TTLL11: variants seen among roughly 807,000 people sequenced by gnomAD.
TTLL11 encodes tubulin tyrosine ligase like 11.
In TTLL11, 42 loss-of-function variants were observed where a neutral mutation model predicts 51.7. The observed-to-expected ratio is 0.81, with a 90% confidence interval of 0.64 to 1.05. The LOEUF is 1.05. Among genes scored for constraint, TTLL11 ranks in the 50% least tolerant of loss-of-function variants. The pLI is 0.00. For missense variants in TTLL11, 799 were observed against 940.4 expected, an observed-to-expected ratio of 0.85 and a Z score of 1.97; for synonymous variants, 381 against 383.5, an observed-to-expected ratio of 0.99 and a Z score of 0.08.
chr9:121,947,692 T>A (rs1217623847), intron 6 of TTLL11, among the ~76,000 whole-genome samples: 1 of 152,168 alleles, frequency 6.6e-6, no homozygotes, highest in Non-Finnish European at 1.5e-5. Context: ...GCAGCCCACC[T>A]CTGCCTCAGA....
intron 6 of TTLL11, among the ~76,000 whole-genome samples, chr9:121,966,799 C>T (rs1223619792): frequency 6.6e-6 from 1 of 152,172 alleles, no homozygotes; most frequent in Non-Finnish European, 1.5e-5. Flanking sequence ...AAGTTTCTTA[C>T]CTCCCTCCAG....
chr9:121,951,725 A>T (rs1841856702), intron 6 of TTLL11, among the ~76,000 whole-genome samples: 1 of 152,206 alleles, frequency 6.6e-6, no homozygotes, highest in Non-Finnish European at 1.5e-5. Context: ...GCAGGAAAGA[A>T]TTCAGGGCGA....
At chr9:121,826,313 T>TA in intron 8 of TTLL11, among the ~76,000 whole-genome samples, 1 of 69,138 alleles carries the variant, frequency 1.4e-5, no homozygotes, top group African/African-American at 6.8e-5. Context: ...TATATATGGG[T>TA]TTATATATAT....
At chr9:121,880,642 T>C (rs1261690720) in intron 6 of TTLL11, among the ~76,000 whole-genome samples, 3 of 152,266 alleles carry the variant, frequency 2.0e-5, no homozygotes, top group Non-Finnish European at 2.9e-5. Context: ...ATTTCTTTTC[T>C]AGACGGAAAG....
chr9:121,893,980 C>A (rs1839355906), intron 6 of TTLL11, among the ~76,000 whole-genome samples: 1 of 152,160 alleles, frequency 6.6e-6, no homozygotes, highest in South Asian at 2.1e-4. Context: ...GCTGGGCCAC[C>A]ACGAGCCACA....
chr9:121,826,557 G>GTGTGTGTATATATA (rs1189626793), intron 8 of TTLL11, among the ~76,000 whole-genome samples: 2 of 51,346 alleles, frequency 3.9e-5, no homozygotes, highest in African/African-American at 1.4e-4. Flanking sequence ...ATATGTGTGT[G>GTGTGTGTATATATA]TATATATATA....
chr9:121,938,850 A>G (rs545883977), intron 6 of TTLL11, among the ~76,000 whole-genome samples: 3 of 152,336 alleles, frequency 2.0e-5, no homozygotes, highest in African/African-American at 7.2e-5. Flanking sequence ...AACTGGTGGG[A>G]GTGTAGGTTA....
In TTLL11 at chr9:121,974,112, C is replaced by A. The variant is rs781028991; in HGVS notation, c.1378G>T (p.Val460Leu). The change falls in exon 6 of 9, where the codon GTG becomes TTG. Residue 460 changes from valine to leucine, a missense_variant. This residue lies in a region of TTLL11 where 468 missense variants were observed against 612.8 expected (regional missense o/e 0.76). Coordinates refer to ENST00000321582, the MANE Select transcript of TTLL11 (RefSeq NM_001139442.2). The part of the protein sequence containing the change: ...IEHEHELSPG[V>L]FENVPSLVDE... ...ACGAGGCTGGGGACATTTTCAAACACCCCTGGAGAAAGCTTGAACGGGTAA... is the reference window on the plus strand; with the variant it reads ...ACGAGGCTGGGGACATTTTCAAACAACCCTGGAGAAAGCTTGAACGGGTAA... 1.3e-6 allele frequency: 2 copies of A among 1,551,434 alleles called. No homozygotes were observed. The highest frequency in any genetic ancestry group is 1.7e-6 in the Non-Finnish European group (2 of 1,146,894).
chr9:122,030,883 G>A (rs1046547428), intron 3 of TTLL11, among the ~76,000 whole-genome samples: 3 of 151,940 alleles, frequency 2.0e-5, no homozygotes, highest in South Asian at 2.1e-4. Flanking sequence ...GGAAGCTGCA[G>A]TAAGCCAAGA....
chr9:121,911,837 G>C (rs905613136), intron 6 of TTLL11, among the ~76,000 whole-genome samples: 1 of 152,056 alleles, frequency 6.6e-6, no homozygotes, highest in Non-Finnish European at 1.5e-5. Flanking sequence ...TGTAGATGAT[G>C]GGTTGATGGG....
intron 6 of TTLL11, among the ~76,000 whole-genome samples, chr9:121,908,383 G>A (rs920578311): frequency 4.6e-5 from 7 of 152,134 alleles, no homozygotes; most frequent in Middle Eastern, 3.2e-3. Flanking sequence ...AGTTAGGACC[G>A]GGGCCAAGGC....
intron 1 of TTLL11, 24 bp from the exon 2 acceptor site, chr9:122,039,392 G>T (rs367732749): frequency 6.3e-7 from 1 of 1,585,964 alleles, no homozygotes. Context: ...AATGTGACTC[G>T]CAATAAGAAT....
intron 8 of TTLL11, among the ~76,000 whole-genome samples, chr9:121,827,866 G>A (rs1190553478): frequency 1.3e-5 from 2 of 152,214 alleles, no homozygotes; most frequent in African/African-American, 2.4e-5. Flanking sequence ...TACGCTGCAG[G>A]AGCAGGGCTG....
At chr9:121,929,576 T>C (rs1449207581) in intron 6 of TTLL11, among the ~76,000 whole-genome samples, 8 of 151,564 alleles carry the variant, frequency 5.3e-5, no homozygotes, top group African/African-American at 1.9e-4. Flanking sequence ...AAACGGAGCA[T>C]GCTGAGGCCA....
chr9:122,018,004 A>G (rs12338075), intron 3 of TTLL11, among the ~76,000 whole-genome samples: 6,645 of 152,212 alleles, frequency 0.044, 173 homozygotes, highest in African/African-American at 0.073. Flanking sequence ...TTTCTGAAGA[A>G]TGGGGACTTT....
chr9:122,063,787 C>T (rs1253176543), intron 1 of TTLL11, among the ~76,000 whole-genome samples: 1 of 152,158 alleles, frequency 6.6e-6, no homozygotes, highest in Non-Finnish European at 1.5e-5. Flanking sequence ...AAACTGAAGT[C>T]CAGTGTCTTA....
intron 2 of TTLL11, 72 bp downstream of exon 2, chr9:122,039,200 G>A (rs1360527489): frequency 4.7e-6 from 6 of 1,268,248 alleles, no homozygotes; most frequent in Admixed American, 1.8e-5. Context: ...TAACTGTCAT[G>A]TTTTAGTAGA....
chr9:121,989,491 C>G lies in TTLL11; in HGVS notation c.973G>C (p.Glu325Gln). 3 of 1,614,074 alleles carry G rather than the reference C, an allele frequency of 1.9e-6. No individual in the cohort carries two copies. The South Asian group carries it at 3.3e-5, about 18-fold the overall frequency. Residue 325 changes from glutamate to glutamine, a missense_variant, in exon 4 of 9, where the codon GAG becomes CAG. Glu to Gln is a conservative substitution (Grantham distance 29, BLOSUM62 2). Coordinates refer to ENST00000321582, the MANE Select transcript of TTLL11 (RefSeq NM_001139442.2). The surrounding 1 kb of genome is among the most constrained non-coding windows in gnomAD (Gnocchi z 4.2). ...TTGGGGGTGGGCTCCTGATATGGCT[C>G]GGTACAAAACCTAGAGAGTCCGTCT... The part of the protein sequence containing the change: ...AKDGLSRFCT[E>Q]PYQEPTPKNL...
Position 121,826,567 on chromosome 9 carries a change from A to ATGTG in TTLL11, c.1841-3689_1841-3688insCACA, listed in dbSNP as rs1199772625. On this transcript the variant is annotated intron_variant, in intron 8 of 8. Coordinates refer to ENST00000321582, the MANE Select transcript of TTLL11 (RefSeq NM_001139442.2). ...TATATATATGTGTGTGTATATATAT[A>ATGTG]TATATATATATATATGTATATGGTT... is the stretch of plus-strand genomic sequence containing the variant. 1.2e-3 allele frequency among the ~76,000 whole-genome samples: 136 copies of ATGTG among 113,422 alleles called. 6 individuals carry two copies. Among genetic ancestry groups the ATGTG allele is most frequent in the African/African-American group, 4.8e-3 (129 of 26,810 alleles). 74.4% of individuals were successfully genotyped at this position (113,422 alleles called of 152,430 possible).
Sources: allele counts gnomAD v4.1 joint callset (sites outside exome capture counted in the v4.1 genomes callset), GRCh38; gene constraint gnomAD v4.1.1; regional missense constraint gnomAD v4.1.1; non-coding constraint Gnocchi (gnomAD v3.1); transcripts MANE v1.5; gene names NCBI Gene and HGNC (gene_info 2026-07-23, HGNC 2026-07-21).